Variants in MYO1E observed in about 807,000 individuals in gnomAD.
MYO1E encodes myosin IE.
A neutral mutation model predicts 151.1 loss-of-function variants in MYO1E; 68 were observed. The observed-to-expected ratio is 0.45, with a 90% CI of 0.37 to 0.55. The LOEUF is 0.55. MYO1E is among the 20% of genes least tolerant of loss of function. MYO1E has a pLI of 0.00. For missense variants in MYO1E, 1,363 were observed against 1,389.3 expected (o/e 0.98, Z 0.30); for synonymous variants, 601 against 501.7 (o/e 1.20, Z -2.64).
chr15:59,364,279 G>C (rs539855105), intron 1 of MYO1E, among the ~76,000 whole-genome samples: 1 of 152,278 alleles, frequency 6.6e-6, no homozygotes, highest in Non-Finnish European at 1.5e-5. Context: ...GAGCACCAAT[G>C]GTAGGTACCT....
intron 26 of MYO1E, among the ~76,000 whole-genome samples, chr15:59,141,454 T>C (rs1369989628): frequency 6.6e-6 from 1 of 152,210 alleles, no homozygotes; most frequent in Non-Finnish European, 1.5e-5. Context: ...ATGTAAATAG[T>C]TGTTATACTA....
At chr15:59,331,048 G>A (rs546669245) in intron 1 of MYO1E, among the ~76,000 whole-genome samples, 84 of 152,220 alleles carry the variant, frequency 5.5e-4, no homozygotes, top group African/African-American at 1.9e-3. Flanking sequence ...GAGATTACAG[G>A]TGTGAGCCAC....
At chr15:59,296,748 C>A (rs1418565236) in intron 1 of MYO1E, among the ~76,000 whole-genome samples, 2 of 151,780 alleles carry the variant, frequency 1.3e-5, no homozygotes, top group South Asian at 4.2e-4. Flanking sequence ...TGTTTGAGTG[C>A]AGGACAATGA....
In MYO1E at chr15:59,224,682, C is replaced by G. The variant is rs1816149403; in HGVS notation, c.777+7G>C. ...CAGATCCTGCCTGGCCCTGCGCCAG[C>G]ACTTACCAGAGTTTCCTGAAACTCC... On this transcript the variant is annotated splice_region_variant and intron_variant, in intron 8 of 27. Transcript: ENST00000288235. The G allele has an allele frequency of 1.2e-6, 2 of 1,614,074 alleles. No homozygotes were observed. The highest frequency in any genetic ancestry group is 1.7e-6 in the Non-Finnish European group (2 of 1,180,040).
In MYO1E at chr15:59,134,886, G is replaced by C. The variant is rs1566960572; in HGVS notation, c.*2494C>G. On this transcript the variant is annotated 3_prime_UTR_variant, in exon 28 of 28. Transcript: ENST00000288235. ...AGATCCACAGACTAGAGGAAACCCA[G>C]GTTAGTGTCTTAAAGGGAAAAAAGA... is the stretch of plus-strand genomic sequence containing the variant. 1 of 152,010 alleles carries C rather than the reference G, an allele frequency of 6.6e-6. No individual in the cohort carries two copies. Among genetic ancestry groups the C allele is most frequent in the East Asian group, 1.9e-4 (1 of 5,178 alleles). 9.4% of individuals were successfully genotyped at this position (152,010 alleles called of 1,614,324 possible).
intron 16 of MYO1E, among the ~76,000 whole-genome samples, chr15:59,198,197 T>C (rs575256527): frequency 1.3e-5 from 2 of 152,340 alleles, no homozygotes; most frequent in African/African-American, 2.4e-5. Context: ...GCTGAGGTGG[T>C]TGTGAAGCAG....
chr15:59,148,360 T>TCC (rs568383372), intron 26 of MYO1E, among the ~76,000 whole-genome samples: 195 of 152,334 alleles, frequency 1.3e-3, no homozygotes, highest in African/African-American at 4.6e-3. Context: ...TCTCTGTAGC[T>TCC]CCCACACCTC....
At chr15:59,305,073 T>A (rs548276989) in intron 1 of MYO1E, among the ~76,000 whole-genome samples, 1 of 152,228 alleles carries the variant, frequency 6.6e-6, no homozygotes, top group Non-Finnish European at 1.5e-5. Context: ...GAGTGGTGTA[T>A]AGCGTCCACT....
intron 3 of MYO1E, among the ~76,000 whole-genome samples, chr15:59,259,966 C>A (rs1307202173): frequency 1.3e-5 from 2 of 152,200 alleles, no homozygotes; most frequent in African/African-American, 2.4e-5. Context: ...ATGACACAGC[C>A]AGCATCCAGG....
intron 1 of MYO1E, among the ~76,000 whole-genome samples, chr15:59,309,736 T>C (rs2080538074): frequency 6.6e-6 from 1 of 152,258 alleles, no homozygotes; most frequent in South Asian, 2.1e-4. Flanking sequence ...CATGCATTTC[T>C]AAGGTTGCCC....
At chr15:59,349,130 T>C (rs919243077) in intron 1 of MYO1E, among the ~76,000 whole-genome samples, 1 of 152,080 alleles carries the variant, frequency 6.6e-6, no homozygotes, top group East Asian at 1.9e-4. Context: ...TTGGACATGA[T>C]GGAAGGACAC....
intron 2 of MYO1E, among the ~76,000 whole-genome samples, chr15:59,268,720 A>ATTTTTTGTTTTTTTTTTTTTTTTTTTTTT (rs2080271459): frequency 6.7e-5 from 3 of 44,906 alleles, no homozygotes; most frequent in Non-Finnish European, 9.8e-5. Flanking sequence ...TGACTTTGGT[A>ATTTTTTGTTTTTTTTTTTTTTTTTTTTTT]TTTTTTTTTT....
chr15:59,187,919 G>A (rs2079708361), intron 18 of MYO1E, among the ~76,000 whole-genome samples, 199 bp downstream of exon 18: 1 of 152,194 alleles, frequency 6.6e-6, no homozygotes, highest in Non-Finnish European at 1.5e-5. Flanking sequence ...GGGGAGAATT[G>A]GAGGTTGACA....
chr15:59,291,215 C>T (rs1486354178), intron 1 of MYO1E, among the ~76,000 whole-genome samples: 1 of 152,180 alleles, frequency 6.6e-6, no homozygotes, highest in African/African-American at 2.4e-5. Flanking sequence ...CTGAGCCCAG[C>T]GACCCAAAAT....
intron 1 of MYO1E, 56 bp from the exon 2 acceptor site, chr15:59,272,505 A>G (rs1355743271): frequency 1.9e-6 from 3 of 1,567,156 alleles, no homozygotes; most frequent in Non-Finnish European, 2.6e-6. Context: ...TGTAGTAACA[A>G]AGACAAAATG....
At chr15:59,338,768 G>T (rs778718710) in intron 1 of MYO1E, among the ~76,000 whole-genome samples, 6 of 152,192 alleles carry the variant, frequency 3.9e-5, no homozygotes, top group Non-Finnish European at 8.8e-5. Flanking sequence ...AAAGACAGGG[G>T]TGAAACTACC....
rs750935643 is a variant in MYO1E, at chr15:59,153,778, G to A, written c.2892C>T (p.Asn964=). ...GCACATACTGGTTTCTGATGACTCC[G>A]TTCTGATGGTATCCTAGAGAGAGGA... The part of the protein sequence containing the change: ...AAPPPPGYHQ[N]GVIRNQYVPY... The change falls in exon 26 of 28, where the codon AAC becomes AAT. Residue 964 remains asparagine, a synonymous_variant. Coordinates refer to ENST00000288235, the MANE Select transcript of MYO1E (RefSeq NM_004998.4). 14 of 1,613,362 alleles carry A rather than the reference G, an allele frequency of 8.7e-6. No homozygotes were observed. The highest frequency in any genetic ancestry group is 5.0e-5 in the Admixed American group (3 of 60,020).
Position 59,136,632 on chromosome 15 carries a change from T to C in MYO1E, c.*748A>G, listed in dbSNP as rs1364452136. On this transcript the variant is annotated 3_prime_UTR_variant, in exon 28 of 28. Coordinates refer to ENST00000288235, the MANE Select transcript of MYO1E (RefSeq NM_004998.4). ...TTTTATATATACAGTATATGATCTG[T>C]TTTTATAAATGTACAGCTTGAAAAA... The C allele has an allele frequency of 2.2e-6, 1 of 454,386 alleles. No individual in the cohort carries two copies. The highest frequency in any genetic ancestry group is 2.0e-5 in the African/African-American group (1 of 49,948). 28.1% of individuals were successfully genotyped at this position (454,386 alleles called of 1,614,324 possible).
At chr15:59,175,144 CTAGAAAGTGAACCTAGG>C (rs2079617194) in intron 19 of MYO1E, among the ~76,000 whole-genome samples, 1 of 152,162 alleles carries the variant, frequency 6.6e-6, no homozygotes. Context: ...CTGGGTGGGG[CTAGAAAGTGAACCTAGG>C]TCTTTCAGGC....
Sources: allele counts gnomAD v4.1 joint callset (sites outside exome capture counted in the v4.1 genomes callset), GRCh38; gene constraint gnomAD v4.1.1; transcripts MANE v1.5; gene names NCBI Gene and HGNC (gene_info 2026-07-23, HGNC 2026-07-21).